The following GMDS variants were observed in gnomAD, a reference collection of about 807,000 sequenced individuals.
GMDS encodes GDP-mannose 4,6-dehydratase, also known as GDP-mannose 4,6 dehydratase.
GMDS carries 20 observed loss-of-function variants against 49.9 expected under a neutral mutation model. That is an observed-to-expected ratio of 0.40 (90% CI 0.28 to 0.58). GMDS has a LOEUF of 0.58. Ranked by LOEUF, GMDS falls within the 20% of genes least tolerant of loss-of-function variation. The probability of loss-of-function intolerance (pLI) is 0.42; values close to 1 mark genes in which losing one functional copy is unlikely to be tolerated. For synonymous variants in GMDS, 177 were observed against 178.6 expected (o/e 0.99, Z 0.07); for missense variants, 362 against 481.4 (o/e 0.75, Z 2.32).
rs2628452 is a variant in GMDS at position 1,964,015 on chromosome 6, A to G, written c.346-3049T>C. Among the ~76,000 whole-genome samples, 575 of 152,308 alleles carry G rather than the reference A, an allele frequency of 3.8e-3. 3 individuals are homozygous for G. The highest frequency in any genetic ancestry group is 0.013 in the African/African-American group (525 of 41,568). On this transcript the variant is annotated intron_variant, in intron 4 of 10. Coordinates refer to ENST00000380815, the MANE Select transcript of GMDS (RefSeq NM_001500.4). ...GAGTCCCTGGATGAGGCTCACCACA[A>G]AAGCAGGATTCAGCCACTCCCTCCG...
intron 1 of GMDS, among the ~76,000 whole-genome samples, chr6:2,150,399 T>A (rs1381559666): frequency 2.6e-5 from 4 of 152,136 alleles, no homozygotes; most frequent in Non-Finnish European, 4.4e-5. Context: ...AAAATAAAAA[T>A]TTTTAAACAT....
rs571302241 is a variant in GMDS at position 1,844,704 on chromosome 6, A to G, written c.771+85399T>C. Among the ~76,000 whole-genome samples, 16 of 152,360 alleles carry G rather than the reference A, an allele frequency of 1.1e-4. No individual in the cohort carries two copies. The East Asian group carries it at 2.9e-3, about 28-fold the overall frequency. On this transcript the variant is annotated intron_variant, in intron 7 of 10. Transcript: ENST00000380815. ...AAATATTTGGGTCTGCAATCATGAC[A>G]AAGAAAATGGAAGTTCAAGCTGCAC...
intron 4 of GMDS, among the ~76,000 whole-genome samples, chr6:2,024,311 T>C (rs186148268): frequency 3.9e-5 from 6 of 152,090 alleles, no homozygotes; most frequent in Admixed American, 3.9e-4. Flanking sequence ...ACAGACTTTA[T>C]CAAGAAGGAA....
At chr6:1,906,696 G>A (rs996685823) in intron 7 of GMDS, among the ~76,000 whole-genome samples, 1 of 152,112 alleles carries the variant, frequency 6.6e-6, no homozygotes, top group African/African-American at 2.4e-5. Context: ...CAAGCCAGGG[G>A]GTTTCCTGCA....
At chr6:1,829,182 G>T (rs1360448273) in intron 7 of GMDS, among the ~76,000 whole-genome samples, 1 of 152,198 alleles carries the variant, frequency 6.6e-6, no homozygotes, top group African/African-American at 2.4e-5. Flanking sequence ...AGTGGCAGAA[G>T]TGGAAGAAAA....
chr6:1,870,678 T>C (rs1490876764), intron 7 of GMDS, among the ~76,000 whole-genome samples: 2 of 152,236 alleles, frequency 1.3e-5, no homozygotes, highest in Non-Finnish European at 2.9e-5. Context: ...CTCTTTTTAA[T>C]AGAATAATTA....
rs1757357195 is a variant in GMDS, at chr6:1,845,494, T to A, written c.771+84609A>T. On this transcript the variant is annotated intron_variant, in intron 7 of 10. Coordinates refer to ENST00000380815, the MANE Select transcript of GMDS (RefSeq NM_001500.4). Reference sequence around the variant, plus strand: ...CCAACCACTTCACGGCTTATAAACATTAAATGAATATCTAGCATATGTTGA... The same window carrying A: ...CCAACCACTTCACGGCTTATAAACAATAAATGAATATCTAGCATATGTTGA... 2.0e-5 allele frequency among the ~76,000 whole-genome samples: 3 copies of A among 152,206 alleles called. No individual in the cohort carries two copies. In the South Asian group the frequency reaches 6.2e-4, roughly 31 times the overall value.
At chr6:2,243,225 T>G (rs1280565433) in intron 1 of GMDS, among the ~76,000 whole-genome samples, 1 of 152,090 alleles carries the variant, frequency 6.6e-6, no homozygotes, top group Non-Finnish European at 1.5e-5. Context: ...GTCTGCTGAG[T>G]GTGGTGCTTC....
At chr6:2,137,466 T>C (rs2127524548) in intron 1 of GMDS, among the ~76,000 whole-genome samples, 1 of 152,088 alleles carries the variant, frequency 6.6e-6, no homozygotes, top group South Asian at 2.1e-4. Flanking sequence ...CCCGAGTAGC[T>C]GGGATTACAG....
At chr6:1,629,631 G>T (rs1274275965) in intron 9 of GMDS, among the ~76,000 whole-genome samples, 1 of 152,162 alleles carries the variant, frequency 6.6e-6, no homozygotes, top group Non-Finnish European at 1.5e-5. Flanking sequence ...TGTAGACTTG[G>T]AATAAAACCA....
At chr6:2,123,124 C>T (rs550976103) in intron 2 of GMDS, among the ~76,000 whole-genome samples, 1 of 152,318 alleles carries the variant, frequency 6.6e-6, no homozygotes, top group South Asian at 2.1e-4. Flanking sequence ...GCTTCTCTGC[C>T]TTTTCCAGTA....
chr6:1,659,496 G>A (rs1261805568), intron 9 of GMDS, among the ~76,000 whole-genome samples: 1 of 152,116 alleles, frequency 6.6e-6, no homozygotes. Flanking sequence ...GTGATAGGGT[G>A]TTGTACCAAT....
intron 1 of GMDS, among the ~76,000 whole-genome samples, chr6:2,173,124 C>T (rs902373037): frequency 6.6e-5 from 10 of 152,106 alleles, no homozygotes; most frequent in African/African-American, 2.2e-4. Flanking sequence ...GAAATCTGCA[C>T]TTCTAGGTTA....
intron 7 of GMDS, among the ~76,000 whole-genome samples, chr6:1,793,601 T>C (rs1215801512): frequency 2.0e-5 from 3 of 152,200 alleles, no homozygotes; most frequent in Non-Finnish European, 4.4e-5. Flanking sequence ...GTACCTTGTG[T>C]ACAGAGGTGA....
Position 2,221,442 on chromosome 6 carries a change from G to A in GMDS, c.102+23879C>T, listed in dbSNP as rs764255252. On this transcript the variant is annotated intron_variant, in intron 1 of 10. Transcript: ENST00000380815. ...GTCACCCAGGCTAGAGTGCGGTGGCGCAATCTCGGCTCACTGCAAGCTCCG... is the reference window on the plus strand; with the variant it reads ...GTCACCCAGGCTAGAGTGCGGTGGCACAATCTCGGCTCACTGCAAGCTCCG... 4.3e-4 allele frequency among the ~76,000 whole-genome samples: 65 copies of A among 151,850 alleles called. 2 individuals carry two copies. Among genetic ancestry groups the A allele is most frequent in the Non-Finnish European group, 4.3e-4 (29 of 67,994 alleles).
At chr6:1,875,390 T>C (rs960049326) in intron 7 of GMDS, among the ~76,000 whole-genome samples, 1 of 151,936 alleles carries the variant, frequency 6.6e-6, no homozygotes, top group Admixed American at 6.6e-5. Context: ...CTCTGAATGT[T>C]AGAATTTAAA....
chr6:1,821,260 C>T (rs569114867), intron 7 of GMDS, among the ~76,000 whole-genome samples: 77 of 152,164 alleles, frequency 5.1e-4, no homozygotes, highest in Non-Finnish European at 9.1e-4. Flanking sequence ...GTGGGTCTCC[C>T]GGAGGTTCTG....
intron 4 of GMDS, among the ~76,000 whole-genome samples, chr6:2,016,357 G>A (rs1262875599): frequency 1.3e-5 from 2 of 151,672 alleles, no homozygotes; most frequent in African/African-American, 4.8e-5. Flanking sequence ...CAGAAATAAA[G>A]GGGAAGCTAT....
intron 7 of GMDS, among the ~76,000 whole-genome samples, chr6:1,783,395 C>T (rs368360626): frequency 1.3e-5 from 2 of 152,106 alleles, no homozygotes; most frequent in Non-Finnish European, 2.9e-5. Flanking sequence ...GGGCATGTCC[C>T]GCAAAATTAT....
Sources: allele counts gnomAD v4.1 joint callset (sites outside exome capture counted in the v4.1 genomes callset), GRCh38; gene constraint gnomAD v4.1.1; transcripts MANE v1.5; gene names NCBI Gene and HGNC (gene_info 2026-07-23, HGNC 2026-07-21).